The following IQCJ variants were observed in gnomAD, a reference collection of about 807,000 sequenced individuals.
IQCJ encodes the protein IQ motif containing J, also known as IQ domain-containing protein J.
A neutral mutation model predicts 11.0 loss-of-function variants in IQCJ; 9 were observed. That is an observed-to-expected ratio of 0.82 (90% CI 0.49 to 1.43). IQCJ has a LOEUF of 1.43. IQCJ is among the 40% of genes most tolerant of loss of function. The pLI is 0.00. For synonymous variants in IQCJ, 55 were observed against 51.3 expected, an observed-to-expected ratio of 1.07 and a Z score of -0.31; for missense variants, 146 against 133.2, an observed-to-expected ratio of 1.10 and a Z score of -0.47.
At chr3:159,246,877 G>A (rs1202870731) in intron 2 of IQCJ, among the ~76,000 whole-genome samples, 1 of 152,100 alleles carries the variant, frequency 6.6e-6, no homozygotes, top group Non-Finnish European at 1.5e-5. Flanking sequence ...TAGGATATAT[G>A]GAGAAACAGC....
intron 1 of IQCJ, among the ~76,000 whole-genome samples, chr3:159,089,874 T>A (rs1469998693): frequency 6.6e-6 from 1 of 151,844 alleles, no homozygotes; most frequent in African/African-American, 2.4e-5. Context: ...AGTGTCCTCC[T>A]GTAGCTCAGA....
intron 1 of IQCJ, among the ~76,000 whole-genome samples, chr3:159,090,152 G>T (rs1717141873): frequency 6.6e-6 from 1 of 151,684 alleles, no homozygotes; most frequent in Non-Finnish European, 1.5e-5. Flanking sequence ...AGGACCCTCA[G>T]CTGCAGGTCT....
intron 1 of IQCJ, among the ~76,000 whole-genome samples, chr3:159,127,427 G>A (rs1160223493): frequency 1.3e-5 from 2 of 152,078 alleles, no homozygotes; most frequent in African/African-American, 4.8e-5. Context: ...TGCAGTGAGC[G>A]CTCATGAAAT....
intron 3 of IQCJ, among the ~76,000 whole-genome samples, chr3:159,258,550 G>A (rs80111763): frequency 6.6e-6 from 1 of 152,112 alleles, no homozygotes; most frequent in Non-Finnish European, 1.5e-5. Context: ...GATTGAATGA[G>A]AGAATCAACA....
intron 3 of IQCJ, among the ~76,000 whole-genome samples, chr3:159,253,174 C>G (rs1001111585): frequency 1.3e-5 from 2 of 152,168 alleles, no homozygotes; most frequent in South Asian, 4.2e-4. Flanking sequence ...GTATCACACA[C>G]ACACACACCC....
At chr3:159,211,850 T>C (rs537668110) in intron 1 of IQCJ, among the ~76,000 whole-genome samples, 12 of 151,926 alleles carry the variant, frequency 7.9e-5, no homozygotes, top group Non-Finnish European at 1.5e-4. Flanking sequence ...AGGGTGAAAT[T>C]TGAAAATTAT....
At chr3:159,074,856 C>T (rs907635518) in intron 1 of IQCJ, among the ~76,000 whole-genome samples, 2 of 151,978 alleles carry the variant, frequency 1.3e-5, no homozygotes, top group Non-Finnish European at 2.9e-5. Flanking sequence ...TGATCCTGCC[C>T]AGCAGAGGCT....
intron 1 of IQCJ, among the ~76,000 whole-genome samples, chr3:159,224,348 G>A (rs1302963214): frequency 6.6e-6 from 1 of 152,166 alleles, no homozygotes; most frequent in Non-Finnish European, 1.5e-5. Flanking sequence ...TGAACTCCTA[G>A]TGATGTTAAA....
chr3:159,210,922 T>A (rs1431716214), intron 1 of IQCJ, among the ~76,000 whole-genome samples: 1 of 146,260 alleles, frequency 6.8e-6, no homozygotes, highest in Non-Finnish European at 1.5e-5. Flanking sequence ...TCCGCCCACC[T>A]CTACCTCCCA....
intron 1 of IQCJ, among the ~76,000 whole-genome samples, chr3:159,169,279 C>CTTTTTTTTTTTTTTTTTT (rs141888128): frequency 1.3e-3 from 74 of 56,350 alleles, no homozygotes; most frequent in East Asian, 2.9e-3. Flanking sequence ...TTCTTTCTTT[C>CTTTTTTTTTTTTTTTTTT]TTTTTTTTTT....
chr3:159,261,472 AG>A (rs1317309199), intron 3 of IQCJ, among the ~76,000 whole-genome samples: 2 of 152,168 alleles, frequency 1.3e-5, no homozygotes, highest in African/African-American at 4.8e-5. Context: ...GACCAGATGT[AG>A]ACAATTGAAT....
chr3:159,177,065 A>G (rs915285428), intron 1 of IQCJ, among the ~76,000 whole-genome samples: 3 of 152,226 alleles, frequency 2.0e-5, no homozygotes, highest in South Asian at 2.1e-4. Context: ...AGATCCTGCT[A>G]GTAACACTTT....
At chr3:159,224,829 G>A (rs1725753013) in intron 1 of IQCJ, among the ~76,000 whole-genome samples, 1 of 152,116 alleles carries the variant, frequency 6.6e-6, no homozygotes, top group Non-Finnish European at 1.5e-5. Context: ...GACATAAAGG[G>A]AGAATCTGTA....
intron 1 of IQCJ, among the ~76,000 whole-genome samples, chr3:159,229,911 A>AT (rs923629311): frequency 7.2e-5 from 9 of 125,590 alleles, no homozygotes; most frequent in African/African-American, 2.2e-4. Flanking sequence ...AGTTTTGTTA[A>AT]TTTTTTTTTA....
At chr3:159,251,390 C>G (rs966573128) in intron 2 of IQCJ, among the ~76,000 whole-genome samples, 1 of 151,732 alleles carries the variant, frequency 6.6e-6, no homozygotes, top group Non-Finnish European at 1.5e-5. Flanking sequence ...CATCCTTAAA[C>G]CCTCCATTTA....
intron 1 of IQCJ, among the ~76,000 whole-genome samples, chr3:159,244,193 A>C (rs1271463573): frequency 6.6e-6 from 1 of 152,198 alleles, no homozygotes; most frequent in Non-Finnish European, 1.5e-5. Context: ...AGAAGAGTGA[A>C]GTTTAGAGAA....
intron 1 of IQCJ, among the ~76,000 whole-genome samples, chr3:159,162,439 A>G (rs1256568236): frequency 6.6e-6 from 1 of 152,118 alleles, no homozygotes; most frequent in Non-Finnish European, 1.5e-5. Flanking sequence ...GGGCTGAGAC[A>G]GTGGGGTTTT....
chr3:159,076,896 G>A (rs895616157), intron 1 of IQCJ, among the ~76,000 whole-genome samples: 1 of 152,076 alleles, frequency 6.6e-6, no homozygotes. Context: ...TCTATAAAAT[G>A]GAAATGACTA....
chr3:159,108,160 A>T (rs929909600), intron 1 of IQCJ, among the ~76,000 whole-genome samples: 2 of 152,202 alleles, frequency 1.3e-5, no homozygotes, highest in Non-Finnish European at 2.9e-5. Flanking sequence ...CAGAGGTCCC[A>T]AGAAGCTACC....
Sources: gnomAD v4.1 joint callset for allele counts (sites outside exome capture counted in the v4.1 genomes callset) on GRCh38, gnomAD v4.1.1 for gene constraint, MANE v1.5 for transcripts, NCBI Gene and HGNC (gene_info 2026-07-23, HGNC 2026-07-21) for gene names.